PPIG: variants seen among roughly 807,000 people sequenced by gnomAD.
PPIG encodes the protein peptidyl-prolyl cis-trans isomerase G.
Under a neutral mutation model 87.9 loss-of-function variants are expected in PPIG, and 26 were observed. The observed-to-expected ratio is 0.30, with a 90% CI of 0.22 to 0.41. The LOEUF is 0.41. PPIG is among the 10% of genes least tolerant of loss of function. PPIG has a pLI of 1.00. For synonymous variants in PPIG, 308 were observed against 276.5 expected, an observed-to-expected ratio of 1.11 and a Z score of -1.13; for missense variants, 722 against 879.4, an observed-to-expected ratio of 0.82 and a Z score of 2.26.
At position 169,641,225 on chromosome 2, in the gene PPIG, A is replaced by G. The variant is rs769912481; in HGVS notation, c.*3702A>G. On this transcript the variant is annotated 3_prime_UTR_variant, in exon 14 of 14. Coordinates refer to ENST00000260970, the MANE Select transcript of PPIG (RefSeq NM_004792.3). ...CACTGTGATTATATTTTTTTAATGAAGTTTAGAAAAAAAGCTGTTGTCTTC... is the reference window on the plus strand; with the variant it reads ...CACTGTGATTATATTTTTTTAATGAGGTTTAGAAAAAAAGCTGTTGTCTTC... 2.0e-5 allele frequency: 3 copies of G among 152,104 alleles called. No homozygotes were observed. The highest frequency in any genetic ancestry group is 4.4e-5 in the Non-Finnish European group (3 of 68,008). 9.4% of individuals were successfully genotyped at this position (152,104 alleles called of 1,614,324 possible).
At chr2:169,607,190 CTT>C (rs1685357007) in intron 6 of PPIG, 42 bp downstream of exon 6, 2 of 1,260,126 alleles carry the variant, frequency 1.6e-6, no homozygotes, top group South Asian at 1.3e-5. Context: ...AATATTTTGT[CTT>C]TTATTCTATT....
intron 9 of PPIG, among the ~76,000 whole-genome samples, chr2:169,627,241 C>G (rs1191500844): frequency 6.6e-6 from 1 of 151,626 alleles, no homozygotes; most frequent in Non-Finnish European, 1.5e-5. Flanking sequence ...TGGGATTACG[C>G]GTGTGCACCA....
chr2:169,594,964 T>C (rs1684979602), intron 1 of PPIG, among the ~76,000 whole-genome samples: 1 of 152,034 alleles, frequency 6.6e-6, no homozygotes, highest in Admixed American at 6.6e-5. Context: ...AGTCTCACTC[T>C]GTTGCCCAAG....
At chr2:169,605,742 T>C (rs548901323) in intron 4 of PPIG, among the ~76,000 whole-genome samples, 1 of 152,244 alleles carries the variant, frequency 6.6e-6, no homozygotes, top group East Asian at 1.9e-4. Flanking sequence ...CAGGTTGCAG[T>C]GAGCCAAGAT....
Position 169,607,141 on chromosome 2 carries a change from T to A in PPIG, c.282T>A (p.Phe94Leu). 6.4e-7 allele frequency: 1 copy of A among 1,552,802 alleles called. No individual in the cohort carries two copies. The highest frequency in any genetic ancestry group is 1.1e-5 in the South Asian group (1 of 87,086). ...GAGGGGAATCTATCTATGGAGGATT[T>A]TTTGAAGGTAAAAATGTTTACATTT... ...GRGGESIYGG[F>L]FEDESFAVKH... is the part of the protein sequence containing the mutation. Residue 94 changes from phenylalanine to leucine, a missense_variant, in exon 6 of 14, where the codon TTT (phenylalanine) becomes TTA (leucine). Physicochemically the swap from Phe to Leu is conservative, Grantham distance 22 (BLOSUM62 0). Transcript: ENST00000260970.
chr2:169,598,027 G>A (rs1685071125), intron 1 of PPIG, among the ~76,000 whole-genome samples: 1 of 150,280 alleles, frequency 6.7e-6, no homozygotes, highest in Non-Finnish European at 1.5e-5. Flanking sequence ...TTGATACAGG[G>A]TCCCACTCTG....
intron 9 of PPIG, among the ~76,000 whole-genome samples, chr2:169,617,828 A>G (rs1685643771): frequency 6.6e-6 from 1 of 152,132 alleles, no homozygotes; most frequent in Non-Finnish European, 1.5e-5. Flanking sequence ...CTCTCTTCCT[A>G]TGTGAATACC....
Position 169,641,134 on chromosome 2 carries a change from CCG to C in PPIG, c.*3613_*3614del, listed in dbSNP as rs1368040582. The C allele has an allele frequency of 7.1e-6, 1 of 141,438 alleles. No individual in the cohort carries two copies. Among genetic ancestry groups the C allele is most frequent in the Non-Finnish European group, 1.6e-5 (1 of 62,708 alleles). 8.8% of individuals were successfully genotyped at this position (141,438 alleles called of 1,614,324 possible). A position where few individuals can be genotyped will look rare whatever the true frequency, so the allele number is the denominator to read the frequency against. ...GTATGTGGGATGTACAAAATTGTGG[CCG>C]CTCTCTTTGTGGAAGGAAAAAACAT... is the stretch of plus-strand genomic sequence containing the variant. On this transcript the variant is annotated 3_prime_UTR_variant, in exon 14 of 14. Transcript: ENST00000260970.
chr2:169,624,148 G>T (rs1253998788), intron 9 of PPIG, among the ~76,000 whole-genome samples: 2 of 152,066 alleles, frequency 1.3e-5, no homozygotes, highest in Non-Finnish European at 2.9e-5. Context: ...TGTATTTTTG[G>T]TGGAGACAAG....
At position 169,606,187 on chromosome 2, in the gene PPIG, T is replaced by C. The variant is rs1685319367; in HGVS notation, c.244+41T>C. On this transcript the variant is annotated intron_variant, in intron 5 of 13. Transcript: ENST00000260970. ...ATCATGTATTATTTTCTGTTAAATA[T>C]CACAGATCTCAAAGTTAGACAAGTC... 6 of 1,400,088 alleles carry C rather than the reference T, an allele frequency of 4.3e-6. No individual in the cohort carries two copies. In the East Asian group the frequency reaches 1.4e-4, roughly 32 times the overall value. The allele number at this position is 1,400,088 out of a possible 1,614,324, so 86.7% of individuals were successfully genotyped here. A position where few individuals can be genotyped will look rare whatever the true frequency, so the allele number is the denominator to read the frequency against.
chr2:169,620,978 A>C (rs574487908), intron 9 of PPIG, among the ~76,000 whole-genome samples: 1 of 152,148 alleles, frequency 6.6e-6, no homozygotes, highest in African/African-American at 2.4e-5. Flanking sequence ...TCTGATTCTC[A>C]CAGTAACTCT....
chr2:169,622,934 GT>G (rs925779043), intron 9 of PPIG, among the ~76,000 whole-genome samples: 7 of 151,894 alleles, frequency 4.6e-5, no homozygotes, highest in Non-Finnish European at 1.0e-4. Context: ...ATTTACACCT[GT>G]TTTTTTTAAC....
chr2:169,640,424 A>G lies in PPIG; in HGVS notation c.*2901A>G, dbSNP rs1452722096. ...AATTCTAATTTATTTTAGTTAGTATATGTAGCAAGTTAGTATGTTTGTTAG... is the reference window on the plus strand; with the variant it reads ...AATTCTAATTTATTTTAGTTAGTATGTGTAGCAAGTTAGTATGTTTGTTAG... On this transcript the variant is annotated 3_prime_UTR_variant, in exon 14 of 14. Transcript: ENST00000260970. 6.6e-6 allele frequency: 1 copy of G among 152,204 alleles called. No homozygotes were observed. The highest frequency in any genetic ancestry group is 6.5e-5 in the Admixed American group (1 of 15,282). The allele number at this position is 152,204 out of a possible 1,614,324, so 9.4% of individuals were successfully genotyped here.
chr2:169,613,023 CT>C (rs1454326355), intron 7 of PPIG, among the ~76,000 whole-genome samples: 4 of 152,160 alleles, frequency 2.6e-5, no homozygotes, highest in African/African-American at 9.7e-5. Flanking sequence ...CTATGTGTAT[CT>C]GTAAATTACC....
intron 7 of PPIG, among the ~76,000 whole-genome samples, chr2:169,614,055 G>T (rs927259228): frequency 1.3e-5 from 2 of 152,194 alleles, no homozygotes; most frequent in African/African-American, 4.8e-5. Context: ...TGTTAAGATT[G>T]AAAAGCATTA....
At chr2:169,628,974 G>T (rs992725552) in intron 9 of PPIG, among the ~76,000 whole-genome samples, 5 of 131,162 alleles carry the variant, frequency 3.8e-5, no homozygotes, top group African/African-American at 1.5e-4. Context: ...AAAAAGGCAA[G>T]GATAAATTTT....
chr2:169,606,546 T>A (rs1026516653), intron 5 of PPIG, among the ~76,000 whole-genome samples: 2 of 133,962 alleles, frequency 1.5e-5, no homozygotes, highest in African/African-American at 5.7e-5. Context: ...GAGCTGAGAT[T>A]GTGCCACTGC....
chr2:169,590,221 A>G (rs180766240), intron 1 of PPIG, among the ~76,000 whole-genome samples: 4 of 152,292 alleles, frequency 2.6e-5, no homozygotes, highest in Middle Eastern at 3.4e-3. Flanking sequence ...AGTTCTGTTC[A>G]TGCCTCAATT....
intron 1 of PPIG, among the ~76,000 whole-genome samples, chr2:169,600,440 C>T (rs1025967787): frequency 2.0e-5 from 3 of 152,114 alleles, no homozygotes; most frequent in African/African-American, 7.2e-5. Context: ...ATGCTTTGGA[C>T]CATATTATTG....
Sources: allele counts gnomAD v4.1 joint callset (sites outside exome capture counted in the v4.1 genomes callset), GRCh38; gene constraint gnomAD v4.1.1; transcripts MANE v1.5; gene names NCBI Gene and HGNC (gene_info 2026-07-23, HGNC 2026-07-21).